The following SLC27A2 variants were observed in gnomAD, a reference collection of about 807,000 sequenced individuals.
The protein encoded by SLC27A2 is solute carrier family 27 member 2.
A neutral mutation model predicts 60.0 loss-of-function variants in SLC27A2; 54 were observed. The ratio of observed to expected loss-of-function variants is 0.90; its 90% CI spans 0.72 to 1.13. The LOEUF (loss-of-function observed/expected upper bound fraction) is 1.13. SLC27A2 is among the 50% of genes most tolerant of loss of function. The probability of loss-of-function intolerance (pLI) is 0.00; values close to 1 mark genes in which losing one functional copy is unlikely to be tolerated. For missense variants in SLC27A2, 739 were observed against 777.6 expected (o/e 0.95, Z 0.59); for synonymous variants, 297 against 297.6 (o/e 1.00, Z 0.02).
At position 50,227,172 on chromosome 15, in the gene SLC27A2, C is replaced by T. The variant is rs753874395; in HGVS notation, c.1451C>T (p.Thr484Ile). ...TATTTCCACGACAGAGTTGGAGATACATTCCGGTTGGTTTTTCTGAATCAT... is the reference window on the plus strand; with the variant it reads ...TATTTCCACGACAGAGTTGGAGATATATTCCGGTTGGTTTTTCTGAATCAT... ...FIYFHDRVGD[T>I]FRWKGENVAT... Residue 484 changes from threonine (T) to isoleucine (I), a missense_variant, in exon 7 of 10, where the codon ACA becomes ATA. Transcript: ENST00000267842. The T allele has an allele frequency of 8.1e-6, 13 of 1,613,024 alleles. No homozygotes were observed. The highest frequency in any genetic ancestry group is 9.3e-6 in the Non-Finnish European group (11 of 1,179,372).
chr15:50,202,205 G>A (rs1352838831), intron 2 of SLC27A2, among the ~76,000 whole-genome samples: 1 of 152,148 alleles, frequency 6.6e-6, no homozygotes, highest in Non-Finnish European at 1.5e-5. Context: ...AAGTTTTATT[G>A]GAACACAGCC....
In SLC27A2 at chr15:50,182,497, C is replaced by T. The variant is rs1410765292; in HGVS notation, c.70C>T (p.Pro24Ser). The T allele has an allele frequency of 5.6e-6, 9 of 1,611,692 alleles. No homozygotes were observed. The highest frequency in any genetic ancestry group is 1.3e-5 in the African/African-American group (1 of 74,912). ...GCCGCTCCTGGTGAACCTCTGCTGC[C>T]CATACTTCTTCCAGGACATAGGCTA... is the stretch of plus-strand genomic sequence containing the variant. ...FLPLLVNLCC[P>S]YFFQDIGYFL... The change falls in exon 1 of 10, where the codon CCA (proline) becomes TCA (serine). Residue 24 changes from proline to serine, a missense_variant. By Grantham distance (74) the Pro-to-Ser change is moderately conservative (BLOSUM62 -1). Transcript: ENST00000267842.
chr15:50,204,657 T>TG (rs931828375), intron 3 of SLC27A2, among the ~76,000 whole-genome samples: 2 of 150,922 alleles, frequency 1.3e-5, no homozygotes, highest in South Asian at 2.1e-4. Flanking sequence ...CACTTGAACC[T>TG]GGGGGGCGGG....
intron 1 of SLC27A2, among the ~76,000 whole-genome samples, chr15:50,187,010 C>T (rs552209402): frequency 1.3e-5 from 2 of 152,284 alleles, no homozygotes; most frequent in East Asian, 3.9e-4. Flanking sequence ...TGTAAAGGAC[C>T]AGCACAGAGG....
At chr15:50,198,047 C>T (rs1208277221) in intron 2 of SLC27A2, among the ~76,000 whole-genome samples, 1 of 151,786 alleles carries the variant, frequency 6.6e-6, no homozygotes, top group African/African-American at 2.4e-5. Flanking sequence ...CATCCAGAGT[C>T]CATATAGACT....
At chr15:50,223,302 C>T in intron 5 of SLC27A2, 143 bp downstream of exon 5, 1 of 563,106 alleles carries the variant, frequency 1.8e-6, no homozygotes, top group Non-Finnish European at 3.0e-6. Flanking sequence ...AAGTTTTGCT[C>T]ATTCTCTGTG....
At chr15:50,182,971 G>T in intron 1 of SLC27A2, 66 bp downstream of exon 1, 1 of 1,508,398 alleles carries the variant, frequency 6.6e-7, no homozygotes. Context: ...ACGAGCCACA[G>T]CGTGGCATAA....
chr15:50,232,022 T>A (rs1271067169), intron 8 of SLC27A2, among the ~76,000 whole-genome samples: 1 of 152,170 alleles, frequency 6.6e-6, no homozygotes, highest in African/African-American at 2.4e-5. Context: ...AATTCTAAAG[T>A]CCCTCCCAAC....
At chr15:50,231,167 G>A (rs1415949007) in intron 8 of SLC27A2, among the ~76,000 whole-genome samples, 2 of 142,678 alleles carry the variant, frequency 1.4e-5, no homozygotes, top group Non-Finnish European at 3.0e-5. Flanking sequence ...TTTTTGAGAC[G>A]GAGTTTCGCT....
chr15:50,207,705 G>C (rs1005469204), intron 4 of SLC27A2, among the ~76,000 whole-genome samples: 1 of 150,976 alleles, frequency 6.6e-6, no homozygotes, highest in South Asian at 2.1e-4. Flanking sequence ...CAGGAGAGTC[G>C]CTTGAAAGCA....
At chr15:50,219,751 G>A (rs770593884) in intron 4 of SLC27A2, among the ~76,000 whole-genome samples, 1 of 152,150 alleles carries the variant, frequency 6.6e-6, no homozygotes, top group African/African-American at 2.4e-5. Flanking sequence ...TTCAATAGAA[G>A]CTTTCTGCCT....
chr15:50,209,393 G>A (rs775796031), intron 4 of SLC27A2, among the ~76,000 whole-genome samples: 56 of 152,286 alleles, frequency 3.7e-4, no homozygotes, highest in Non-Finnish European at 7.1e-4. Flanking sequence ...GAATCAGGAA[G>A]GTTCGCCAGG....
intron 2 of SLC27A2, 128 bp from the exon 3 acceptor site, chr15:50,202,359 T>G (rs2045071563): frequency 1.1e-6 from 1 of 871,454 alleles, no homozygotes. Context: ...CTGGACTAAC[T>G]GGTCATGGCC....
chr15:50,194,141 G>A (rs1201035727), intron 1 of SLC27A2, among the ~76,000 whole-genome samples: 1 of 152,062 alleles, frequency 6.6e-6, no homozygotes, highest in Non-Finnish European at 1.5e-5. Context: ...GCAGGACCCT[G>A]TCTCTAAAGA....
intron 4 of SLC27A2, among the ~76,000 whole-genome samples, chr15:50,209,606 C>G (rs1251333106): frequency 6.6e-6 from 1 of 152,108 alleles, no homozygotes; most frequent in African/African-American, 2.4e-5. Context: ...GTGAACATGA[C>G]AAGCCATGAC....
At position 50,229,033 on chromosome 15, in the gene SLC27A2, C is replaced by T; in HGVS notation, c.1546C>T (p.His516Tyr). The T allele has an allele frequency of 1.2e-6, 2 of 1,605,608 alleles. No individual in the cohort carries two copies. Among genetic ancestry groups the T allele is most frequent in the South Asian group, 2.2e-5 (2 of 90,828 alleles). ...CCAAGAAGTAAATGTTTATGGAGTG[C>T]ATGTGCCAGGTATATACAAGATATG... ...FVQEVNVYGV[H>Y]VPDHEGRIGM... Residue 516 changes from histidine to tyrosine, a missense_variant, in exon 8 of 10, where the codon CAT becomes TAT. His to Tyr is a moderately conservative substitution (Grantham distance 83). Coordinates refer to ENST00000267842, the MANE Select transcript of SLC27A2 (RefSeq NM_003645.4).
chr15:50,235,820 A>T, intron 9 of SLC27A2, 100 bp from the exon 10 acceptor site: 1 of 799,486 alleles, frequency 1.3e-6, no homozygotes, highest in Non-Finnish European at 2.0e-6. Flanking sequence ...CAGGGATGCT[A>T]ATGATTTGCT....
chr15:50,182,581 G>C lies in SLC27A2; in HGVS notation c.154G>C (p.Ala52Pro), dbSNP rs745970555. 7 of 1,612,182 alleles carry C rather than the reference G, an allele frequency of 4.3e-6. No individual in the cohort carries two copies. The East Asian group carries it at 1.6e-4, about 36-fold the overall frequency. ...RVRSYGKRRP[A>P]RTILRAFLEK... ...GCGCAGCTACGGGAAGCGGCGGCCG[G>C]CGCGCACCATCCTGCGGGCGTTCCT... Residue 52 changes from alanine to proline, a missense_variant, in exon 1 of 10, where the codon GCG becomes CCG. Coordinates refer to ENST00000267842, the MANE Select transcript of SLC27A2 (RefSeq NM_003645.4).
chr15:50,197,524 T>C lies in SLC27A2; in HGVS notation c.503T>C (p.Ile168Thr), dbSNP rs765387774. The C allele has an allele frequency of 6.2e-7, 1 of 1,613,954 alleles. No homozygotes were observed. Among genetic ancestry groups the C allele is most frequent in the Non-Finnish European group, 8.5e-7 (1 of 1,179,846 alleles). The stretch of plus-strand genomic sequence containing the variant: ...GAACTACAAGCAGCTGTCGAAGAGA[T>C]ACTGCCAAGCCTTAAAAAAGATGAT... Reference protein sequence around the residue: ...SPELQAAVEEILPSLKKDDVS... With the variant: ...SPELQAAVEETLPSLKKDDVS... The change falls in exon 2 of 10, where the codon ATA becomes ACA. Residue 168 changes from isoleucine (I) to threonine (T), a missense_variant. Transcript: ENST00000267842.
Sources: allele counts gnomAD v4.1 joint callset (sites outside exome capture counted in the v4.1 genomes callset), GRCh38; gene constraint gnomAD v4.1.1; transcripts MANE v1.5; gene names NCBI Gene and HGNC (gene_info 2026-07-23, HGNC 2026-07-21).